Variants in OLFM2 observed in about 807,000 individuals in gnomAD.
OLFM2 encodes noelin-2.
A neutral mutation model predicts 43.9 loss-of-function variants in OLFM2; 20 were observed. The observed-to-expected ratio is 0.46, with a 90% confidence interval of 0.32 to 0.66. The LOEUF (loss-of-function observed/expected upper bound fraction) is 0.66, where lower values mean the gene tolerates loss of function less well. Ranked by LOEUF, OLFM2 falls within the 30% of genes least tolerant of loss-of-function variation. The pLI is 0.04. For synonymous variants in OLFM2, 268 were observed against 278.6 expected (o/e 0.96, Z 0.38); for missense variants, 416 against 643.6 (o/e 0.65, Z 3.83).
At chr19:9,932,179 G>T (rs2086486560) in intron 1 of OLFM2, among the ~76,000 whole-genome samples, 1 of 150,736 alleles carries the variant, frequency 6.6e-6, no homozygotes, top group Non-Finnish European at 1.5e-5. Context: ...GAAAAATATG[G>T]CCGGGCGTGG....
chr19:9,912,666 C>T (rs1348505885), intron 1 of OLFM2, among the ~76,000 whole-genome samples: 1 of 151,788 alleles, frequency 6.6e-6, no homozygotes, highest in East Asian at 1.9e-4. Flanking sequence ...TCCAGGGAAG[C>T]TCTGTAGTGG....
At chr19:9,900,782 T>C (rs1173130288) in intron 1 of OLFM2, among the ~76,000 whole-genome samples, 1 of 150,932 alleles carries the variant, frequency 6.6e-6, no homozygotes, top group Admixed American at 6.7e-5. Flanking sequence ...TCCCAACTAC[T>C]CAGCAGGCTG....
rs533987326 is a variant in OLFM2 at position 9,914,564 on chromosome 19, C to T, written c.63+21740G>A. On this transcript the variant is annotated intron_variant, in intron 1 of 5. Coordinates refer to ENST00000264833, the MANE Select transcript of OLFM2 (RefSeq NM_058164.4). ...CCAGGGACCACGGAGACCTGGCACG[C>T]GGCTTTTAGGAGGCGAGTCCCGGGC... 1.6e-4 allele frequency among the ~76,000 whole-genome samples: 24 copies of T among 151,254 alleles called. No individual in the cohort carries two copies. In the East Asian group the frequency reaches 3.9e-3, roughly 25 times the overall value.
At chr19:9,891,262 G>A (rs1325912358) in intron 1 of OLFM2, among the ~76,000 whole-genome samples, 5 of 149,280 alleles carry the variant, frequency 3.3e-5, no homozygotes, top group East Asian at 2.0e-4. Context: ...GCAGTGAGCC[G>A]AGATCGTGCC....
At chr19:9,889,828 G>A (rs2046622379) in intron 1 of OLFM2, among the ~76,000 whole-genome samples, 2 of 152,238 alleles carry the variant, frequency 1.3e-5, no homozygotes, top group Admixed American at 1.3e-4. Context: ...GATGGGGCTG[G>A]AGCTGCAGTT....
chr19:9,930,615 C>A (rs956332917), intron 1 of OLFM2, among the ~76,000 whole-genome samples: 7 of 151,532 alleles, frequency 4.6e-5, no homozygotes, highest in South Asian at 2.1e-4. Flanking sequence ...GAGGCCAAGG[C>A]GGGCAGATCA....
chr19:9,922,294 AT>A (rs2086426524), intron 1 of OLFM2, among the ~76,000 whole-genome samples: 2 of 146,888 alleles, frequency 1.4e-5, no homozygotes, highest in Non-Finnish European at 3.0e-5. Flanking sequence ...ACACACACAC[AT>A]TCCTACAAAT....
chr19:9,928,803 TAA>T (rs78229608), intron 1 of OLFM2, among the ~76,000 whole-genome samples: 18 of 137,116 alleles, frequency 1.3e-4, no homozygotes, highest in Admixed American at 1.5e-4. Context: ...AGACTCTGTC[TAA>T]AAAAAAAAAA....
intron 1 of OLFM2, among the ~76,000 whole-genome samples, chr19:9,885,088 C>T (rs2046575227): frequency 6.6e-6 from 1 of 152,164 alleles, no homozygotes; most frequent in South Asian, 2.1e-4. Context: ...AGGCCGACAA[C>T]TTGAACTTCA....
At chr19:9,862,888 T>C (rs1221938321) in intron 1 of OLFM2, among the ~76,000 whole-genome samples, 1 of 150,310 alleles carries the variant, frequency 6.7e-6, no homozygotes, top group East Asian at 2.0e-4. Flanking sequence ...GGCAGGAGAA[T>C]CGCTTGAACC....
At chr19:9,875,870 G>T (rs2046483414) in intron 1 of OLFM2, among the ~76,000 whole-genome samples, 1 of 151,998 alleles carries the variant, frequency 6.6e-6, no homozygotes, top group Admixed American at 6.6e-5. Flanking sequence ...GGGACCAAAA[G>T]CCTGCCTTGG....
chr19:9,864,851 G>C (rs922052301), intron 1 of OLFM2, among the ~76,000 whole-genome samples: 9 of 124,936 alleles, frequency 7.2e-5, no homozygotes, highest in African/African-American at 1.8e-4. Context: ...GGCTGGTCTT[G>C]AACTCCTGGG....
intron 1 of OLFM2, among the ~76,000 whole-genome samples, chr19:9,908,699 G>A (rs988903176): frequency 1.3e-5 from 2 of 151,498 alleles, no homozygotes; most frequent in Non-Finnish European, 2.9e-5. Context: ...GGATGGTCTC[G>A]ATCTCCTGAC....
chr19:9,924,555 G>A (rs1393986720), intron 1 of OLFM2, among the ~76,000 whole-genome samples: 3 of 152,072 alleles, frequency 2.0e-5, no homozygotes, highest in Non-Finnish European at 4.4e-5. Flanking sequence ...CATTGCTCCC[G>A]GCCTGACAAC....
chr19:9,861,492 C>T (rs1402788613), intron 1 of OLFM2, among the ~76,000 whole-genome samples: 1 of 152,194 alleles, frequency 6.6e-6, no homozygotes, highest in Non-Finnish European at 1.5e-5. Context: ...TAAGTGCAAC[C>T]CTGCTGTGCC....
Position 9,860,671 on chromosome 19 carries a change from G to A in OLFM2, c.187C>T (p.Arg63Trp), listed in dbSNP as rs756588056. ...QSTCSRDGRS[R>W]ELRQLMEKVQ... ...TTCTCCATCAGTTGCCGCAGCTCCC[G>A]ACTCCTGCCATCTCGAGAGCAGGTA... Residue 63 changes from arginine to tryptophan, a missense_variant, in exon 2 of 6, where the codon CGG becomes TGG. Coordinates refer to ENST00000264833, the MANE Select transcript of OLFM2 (RefSeq NM_058164.4). 2.4e-5 allele frequency: 39 copies of A among 1,594,604 alleles called. No individual in the cohort carries two copies. The African/African-American group carries it at 3.4e-4, about 14-fold the overall frequency.
At chr19:9,872,578 G>A (rs2046451326) in intron 1 of OLFM2, among the ~76,000 whole-genome samples, 1 of 152,164 alleles carries the variant, frequency 6.6e-6, no homozygotes, top group Non-Finnish European at 1.5e-5. Flanking sequence ...ACCGCCTGGG[G>A]CCTCCCTCAG....
At chr19:9,921,730 C>T (rs910476569) in intron 1 of OLFM2, among the ~76,000 whole-genome samples, 17 of 151,936 alleles carry the variant, frequency 1.1e-4, no homozygotes, top group East Asian at 2.0e-4. Context: ...CGTAATCCGC[C>T]CACCTCGGCC....
At chr19:9,901,624 G>C (rs991768198) in intron 1 of OLFM2, among the ~76,000 whole-genome samples, 4 of 152,128 alleles carry the variant, frequency 2.6e-5, no homozygotes, top group African/African-American at 9.7e-5. Flanking sequence ...GGCCACCTTT[G>C]TTGGCTTTGA....
Sources: allele counts gnomAD v4.1 joint callset (sites outside exome capture counted in the v4.1 genomes callset), GRCh38; gene constraint gnomAD v4.1.1; transcripts MANE v1.5; gene names NCBI Gene and HGNC (gene_info 2026-07-23, HGNC 2026-07-21).